The following SLC25A26 variants were observed in gnomAD, a reference collection of about 807,000 sequenced individuals.
SLC25A26 encodes solute carrier family 25 member 26, also known as mitochondrial S-adenosylmethionine carrier protein.
In SLC25A26, 36 loss-of-function variants were observed where a neutral mutation model predicts 37.8. The ratio of observed to expected loss-of-function variants is 0.95; its 90% CI spans 0.73 to 1.26. The LOEUF (loss-of-function observed/expected upper bound fraction) is 1.26. SLC25A26 is among the 50% of genes most tolerant of loss of function. The probability of loss-of-function intolerance (pLI) is 0.00; values close to 1 mark genes in which losing one functional copy is unlikely to be tolerated. For synonymous variants in SLC25A26, 129 were observed against 122.5 expected, an observed-to-expected ratio of 1.05 and a Z score of -0.35; for missense variants, 390 against 331.1, an observed-to-expected ratio of 1.18 and a Z score of -1.38.
At chr3:66,322,147 T>C (rs995642909) in intron 5 of SLC25A26, among the ~76,000 whole-genome samples, 3 of 152,134 alleles carry the variant, frequency 2.0e-5, no homozygotes, top group Non-Finnish European at 2.9e-5. Context: ...GAAATGAACT[T>C]TGAAGATGAG....
chr3:66,178,055 A>C (rs144338677), intron 1 of SLC25A26, among the ~76,000 whole-genome samples: 8,930 of 152,224 alleles, frequency 0.059, 766 homozygotes, highest in African/African-American at 0.19. Flanking sequence ...AGCTCGTGGG[A>C]ATTGGAAAAC....
rs148898752 is a variant in SLC25A26 at position 66,226,117 on chromosome 3, C to T, written c.33+4990C>T. ...CCAATTTCCTGTATTAGTCTGTTCT[C>T]ACACTGCTGATAAAGACATACCCAA... On this transcript the variant is annotated intron_variant, in intron 1 of 9. Coordinates refer to ENST00000354883, the MANE Select transcript of SLC25A26 (RefSeq NM_001379210.1). 4.1e-3 allele frequency among the ~76,000 whole-genome samples: 626 copies of T among 152,244 alleles called. 2 individuals are homozygous for T. Among genetic ancestry groups the T allele is most frequent in the Non-Finnish European group, 7.4e-3 (500 of 68,018 alleles).
At chr3:66,217,933 TACC>T (rs1225109338), upstream of SLC25A26, among the ~76,000 whole-genome samples, 3 of 152,242 alleles carry the variant, frequency 2.0e-5, no homozygotes, top group South Asian at 2.1e-4. Flanking sequence ...ATGCGACTAC[TACC>T]ACAATAATAA....
intron 3 of SLC25A26, among the ~76,000 whole-genome samples, chr3:66,251,205 G>A (rs1478879887): frequency 6.6e-6 from 1 of 152,124 alleles, no homozygotes; most frequent in African/African-American, 2.4e-5. Flanking sequence ...AAGGAGTTGG[G>A]ACTTTTTTGA....
intron 5 of SLC25A26, among the ~76,000 whole-genome samples, chr3:66,320,837 A>G (rs1269407314): frequency 6.6e-6 from 1 of 152,222 alleles, no homozygotes; most frequent in Non-Finnish European, 1.5e-5. Context: ...TAATTTGTTT[A>G]TGAAATATTT....
At chr3:66,369,437 T>TA in intron 7 of SLC25A26, 41 bp from the exon 8 acceptor site, 1 of 1,547,680 alleles carries the variant, frequency 6.5e-7, no homozygotes, top group Non-Finnish European at 8.8e-7. Context: ...AATTATACAG[T>TA]AAACAGGATC....
At chr3:66,312,424 G>C (rs186365619) in intron 5 of SLC25A26, among the ~76,000 whole-genome samples, 2 of 152,094 alleles carry the variant, frequency 1.3e-5, no homozygotes, top group Non-Finnish European at 2.9e-5. Context: ...TGGGCTCTGT[G>C]GGGGTGGAGC....
chr3:66,286,449 A>AT lies in SLC25A26; in HGVS notation c.453+23080dup, dbSNP rs368011295. ...TATTCTAACAGCATTTGTTGAAAAGATTTTTTTTTTCCTCACTGAAATGCT... is the reference window on the plus strand; with the variant it reads ...TATTCTAACAGCATTTGTTGAAAAGATTTTTTTTTTTCCTCACTGAAATGCT... On this transcript the variant is annotated intron_variant, in intron 5 of 9. Transcript: ENST00000354883. Among the ~76,000 whole-genome samples the AT allele has an allele frequency of 5.2e-3, 780 of 150,458 alleles. 10 individuals are homozygous for AT. Among genetic ancestry groups the AT allele is most frequent in the African/African-American group, 0.014 (574 of 41,040 alleles).
chr3:66,362,993 A>G (rs1321588341), intron 7 of SLC25A26, 64 bp downstream of exon 7: 13 of 1,088,170 alleles, frequency 1.2e-5, no homozygotes, highest in Non-Finnish European at 1.5e-5. Context: ...AATATTAACT[A>G]TGCAAAAACA....
At chr3:66,208,949 T>C (rs2071224305) in intron 1 of SLC25A26, among the ~76,000 whole-genome samples, 2 of 117,162 alleles carry the variant, frequency 1.7e-5, no homozygotes, top group Admixed American at 1.9e-4. Context: ...TATACATTTA[T>C]ATATATATAC....
intron 1 of SLC25A26, among the ~76,000 whole-genome samples, chr3:66,140,776 C>T (rs2070021741): frequency 6.6e-6 from 1 of 152,132 alleles, no homozygotes; most frequent in Non-Finnish European, 1.5e-5. Flanking sequence ...TATCACATCC[C>T]TCCATCTGTT....
At chr3:66,216,845 A>G (rs1317016655), upstream of SLC25A26, among the ~76,000 whole-genome samples, 1 of 152,194 alleles carries the variant, frequency 6.6e-6, no homozygotes, top group African/African-American at 2.4e-5. Context: ...ATTTGAGAAC[A>G]TATGCTGCCT....
chr3:66,190,330 AAAAG>A (rs2070915329), intron 1 of SLC25A26, among the ~76,000 whole-genome samples: 1 of 143,630 alleles, frequency 7.0e-6, no homozygotes, highest in Non-Finnish European at 1.5e-5. Flanking sequence ...AAAAAAGAAA[AAAAG>A]AAAAGAAAGA....
At chr3:66,167,735 A>T (rs1230346215) in intron 1 of SLC25A26, among the ~76,000 whole-genome samples, 2 of 152,192 alleles carry the variant, frequency 1.3e-5, no homozygotes, top group East Asian at 3.8e-4. Context: ...TGCCCTGATG[A>T]TGGGGAAAAC....
At chr3:66,301,651 G>T (rs757992470) in intron 5 of SLC25A26, among the ~76,000 whole-genome samples, 1 of 152,142 alleles carries the variant, frequency 6.6e-6, no homozygotes, top group Admixed American at 6.6e-5. Context: ...GTGTTTAGAC[G>T]GAGTACCTTA....
intron 1 of SLC25A26, among the ~76,000 whole-genome samples, chr3:66,224,512 C>T (rs139549267): frequency 3.9e-4 from 60 of 152,312 alleles, no homozygotes; most frequent in African/African-American, 1.4e-3. Flanking sequence ...TACCTTCTAC[C>T]AGGTCCCTCC....
intron 5 of SLC25A26, among the ~76,000 whole-genome samples, chr3:66,345,374 C>T (rs981136861): frequency 2.6e-5 from 4 of 152,030 alleles, no homozygotes; most frequent in Admixed American, 1.3e-4. Flanking sequence ...CTTCCTCTTT[C>T]TTCCTTGCCT....
intron 1 of SLC25A26, among the ~76,000 whole-genome samples, chr3:66,139,684 C>A (rs2070005625): frequency 1.3e-5 from 2 of 152,188 alleles, no homozygotes. Context: ...TGCAGTGTTA[C>A]ACATGCATAA....
At chr3:66,148,037 G>T (rs1247392921) in intron 1 of SLC25A26, among the ~76,000 whole-genome samples, 2 of 152,194 alleles carry the variant, frequency 1.3e-5, no homozygotes, top group Admixed American at 6.5e-5. Context: ...GATTATAGGC[G>T]TGAGCCACCA....
Sources: allele counts gnomAD v4.1 joint callset (sites outside exome capture counted in the v4.1 genomes callset), GRCh38; gene constraint gnomAD v4.1.1; transcripts MANE v1.5; gene names NCBI Gene and HGNC (gene_info 2026-07-23, HGNC 2026-07-21).